Variants in WWOX observed in about 807,000 individuals in gnomAD.
WWOX encodes WW domain-containing oxidoreductase.
WWOX carries 69 observed loss-of-function variants against 46.2 expected under a neutral mutation model. That is an observed-to-expected ratio of 1.49 (90% confidence interval 1.23 to 1.82). WWOX has a LOEUF of 1.82. Among genes scored for constraint, WWOX ranks in the 40% most tolerant of loss-of-function variants. WWOX has a pLI of 0.00. For missense variants in WWOX, 919 were observed against 542.6 expected, an observed-to-expected ratio of 1.69 and a Z score of -6.89; for synonymous variants, 359 against 202.6, an observed-to-expected ratio of 1.77 and a Z score of -6.56.
At chr16:78,497,111 A>G (rs2084935961) in intron 8 of WWOX, among the ~76,000 whole-genome samples, 1 of 152,232 alleles carries the variant, frequency 6.6e-6, no homozygotes, top group Non-Finnish European at 1.5e-5. Context: ...TTTGGCATAA[A>G]ACAACAGATG....
intron 8 of WWOX, among the ~76,000 whole-genome samples, chr16:78,725,795 C>G (rs2048816595): frequency 6.6e-6 from 1 of 152,048 alleles, no homozygotes; most frequent in African/African-American, 2.4e-5. Flanking sequence ...ATGCCTTTGT[C>G]TTAGCTTTTG....
At chr16:78,718,415 GT>G (rs1179560989) in intron 8 of WWOX, among the ~76,000 whole-genome samples, 1 of 152,064 alleles carries the variant, frequency 6.6e-6, no homozygotes, top group Non-Finnish European at 1.5e-5. Context: ...TAAATTTAAT[GT>G]TTTTTTGCTC....
chr16:79,170,575 T>G (rs1044091995), intron 8 of WWOX, among the ~76,000 whole-genome samples: 2 of 151,262 alleles, frequency 1.3e-5, no homozygotes, highest in African/African-American at 2.4e-5. Flanking sequence ...TAGGAGCAAA[T>G]GATTGCTTGA....
intron 8 of WWOX, among the ~76,000 whole-genome samples, chr16:78,715,990 A>AG (rs1302732455): frequency 2.0e-5 from 3 of 152,098 alleles, no homozygotes; most frequent in African/African-American, 7.2e-5. Flanking sequence ...CAGAGGTTTG[A>AG]GCAAGAAATT....
At chr16:78,638,010 T>C (rs898848657) in intron 8 of WWOX, among the ~76,000 whole-genome samples, 2 of 152,174 alleles carry the variant, frequency 1.3e-5, no homozygotes, top group African/African-American at 4.8e-5. Context: ...TGTGCAGTGT[T>C]TGAGTTCTTC....
At chr16:78,766,609 C>G (rs531638546) in intron 8 of WWOX, among the ~76,000 whole-genome samples, 38 of 152,232 alleles carry the variant, frequency 2.5e-4, no homozygotes, top group African/African-American at 8.7e-4. Context: ...AAAAGAAAAA[C>G]ATGCTCAGAG....
intron 8 of WWOX, among the ~76,000 whole-genome samples, chr16:79,142,706 T>G (rs1014113713): frequency 6.6e-6 from 1 of 152,152 alleles, no homozygotes; most frequent in South Asian, 2.1e-4. Context: ...GTTTTTGTTT[T>G]GTTTCTTTTT....
intron 8 of WWOX, among the ~76,000 whole-genome samples, chr16:79,162,192 G>T (rs188353624): frequency 1.5e-3 from 223 of 152,250 alleles, no homozygotes; most frequent in Middle Eastern, 6.8e-3. Context: ...TTTTATATTT[G>T]CCTTTGGGTT....
At chr16:78,539,896 G>A (rs1002628723) in intron 8 of WWOX, among the ~76,000 whole-genome samples, 1 of 151,974 alleles carries the variant, frequency 6.6e-6, no homozygotes, top group Admixed American at 6.6e-5. Context: ...GATAGGATCA[G>A]ATCCAGTACA....
chr16:79,002,591 C>G (rs922697868), intron 8 of WWOX, among the ~76,000 whole-genome samples: 1 of 152,160 alleles, frequency 6.6e-6, no homozygotes, highest in Non-Finnish European at 1.5e-5. Context: ...ATGATGATTA[C>G]AGCAGATCAG....
intron 4 of WWOX, among the ~76,000 whole-genome samples, chr16:78,140,000 G>T (rs2033929779): frequency 6.6e-6 from 1 of 152,140 alleles, no homozygotes; most frequent in African/African-American, 2.4e-5. Context: ...AGAATTTTGG[G>T]TTTGCACATG....
chr16:78,866,962 A>G (rs2044017371), intron 8 of WWOX, among the ~76,000 whole-genome samples: 1 of 152,210 alleles, frequency 6.6e-6, no homozygotes, highest in Admixed American at 6.5e-5. Flanking sequence ...CTGCATAAAT[A>G]TGATAGCCAA....
chr16:78,466,684 C>T (rs897608379), intron 8 of WWOX, among the ~76,000 whole-genome samples: 1 of 152,078 alleles, frequency 6.6e-6, no homozygotes, highest in African/African-American at 2.4e-5. Flanking sequence ...TCCGTCTCTA[C>T]TATAAATACA....
At chr16:79,014,751 A>T (rs541245226) in intron 8 of WWOX, among the ~76,000 whole-genome samples, 36 of 152,314 alleles carry the variant, frequency 2.4e-4, no homozygotes, top group African/African-American at 7.9e-4. Context: ...ACAACTAGTA[A>T]GTGGATTCGA....
intron 8 of WWOX, among the ~76,000 whole-genome samples, chr16:78,832,307 C>A (rs2051851341): frequency 6.6e-6 from 1 of 152,172 alleles, no homozygotes; most frequent in Non-Finnish European, 1.5e-5. Context: ...TCTGGTCTCC[C>A]ACAGAGTGAT....
At position 78,422,752 on chromosome 16, in the gene WWOX, T is replaced by G. The variant is rs550140322; in HGVS notation, c.606-2118T>G. Among the ~76,000 whole-genome samples, 38 of 101,590 alleles carry G rather than the reference T, an allele frequency of 3.7e-4. No homozygotes were observed. In the East Asian group the frequency reaches 8.1e-3, roughly 22 times the overall value. 66.6% of individuals were successfully genotyped at this position (101,590 alleles called of 152,430 possible). ...ATATACACACACATATATATACACA[T>G]ATATACACATATATATACACACATA... On this transcript the variant is annotated intron_variant, in intron 6 of 8. Transcript: ENST00000566780.
At chr16:78,851,512 G>T (rs918574447) in intron 8 of WWOX, among the ~76,000 whole-genome samples, 1 of 152,172 alleles carries the variant, frequency 6.6e-6, no homozygotes, top group Non-Finnish European at 1.5e-5. Context: ...TAATGAGCCT[G>T]ATACTTTCAC....
At chr16:78,599,142 A>T (rs1404243347) in intron 8 of WWOX, among the ~76,000 whole-genome samples, 1 of 152,156 alleles carries the variant, frequency 6.6e-6, no homozygotes, top group Admixed American at 6.5e-5. Context: ...GGGGTTGCTG[A>T]TGGAGACTTC....
chr16:78,132,259 C>T (rs1567589673), intron 4 of WWOX, among the ~76,000 whole-genome samples: 1 of 151,944 alleles, frequency 6.6e-6, no homozygotes, highest in Non-Finnish European at 1.5e-5. Context: ...ATCTCCTGAC[C>T]TCGTGATCTG....
Sources: gnomAD v4.1 joint callset for allele counts (sites outside exome capture counted in the v4.1 genomes callset) on GRCh38, gnomAD v4.1.1 for gene constraint, MANE v1.5 for transcripts, NCBI Gene and HGNC (gene_info 2026-07-23, HGNC 2026-07-21) for gene names.